The following TOM1L2 variants were observed in gnomAD, a reference collection of about 807,000 sequenced individuals.
TOM1L2 encodes the protein target of myb1 like 2 membrane trafficking protein, also known as TOM1-like protein 2.
TOM1L2 carries 31 observed loss-of-function variants against 67.9 expected under a neutral mutation model. That is an observed-to-expected ratio of 0.46 (90% CI 0.34 to 0.62). The LOEUF is 0.62. Among genes scored for constraint, TOM1L2 ranks in the 20% least tolerant of loss-of-function variants. The pLI is 0.01. For synonymous variants in TOM1L2, 256 were observed against 254.0 expected, an observed-to-expected ratio of 1.01 and a Z score of -0.07; for missense variants, 606 against 663.5, an observed-to-expected ratio of 0.91 and a Z score of 0.95.
At chr17:17,913,583 C>T (rs2039501151) in intron 1 of TOM1L2, among the ~76,000 whole-genome samples, 1 of 152,144 alleles carries the variant, frequency 6.6e-6, no homozygotes, top group African/African-American at 2.4e-5. Context: ...GAGCTAAATA[C>T]CCATGGTTGT....
At chr17:17,852,809 G>A (rs1412494800) in intron 12 of TOM1L2, among the ~76,000 whole-genome samples, 5 of 144,266 alleles carry the variant, frequency 3.5e-5, no homozygotes, top group African/African-American at 1.3e-4. Context: ...AGGTTGCAGT[G>A]AGCCGAGATC....
chr17:17,954,291 A>G (rs1377343025), intron 1 of TOM1L2, among the ~76,000 whole-genome samples: 1 of 150,730 alleles, frequency 6.6e-6, no homozygotes, highest in Non-Finnish European at 1.5e-5. Context: ...CTTGAACACC[A>G]GGCTACATTT....
intron 1 of TOM1L2, among the ~76,000 whole-genome samples, chr17:17,908,143 G>A (rs1247414629): frequency 6.6e-6 from 1 of 152,164 alleles, no homozygotes; most frequent in Non-Finnish European, 1.5e-5. Context: ...GTGGTGTTGG[G>A]TGTTTCACGT....
At chr17:17,860,368 G>C (rs952178170) in intron 12 of TOM1L2, among the ~76,000 whole-genome samples, 2 of 152,228 alleles carry the variant, frequency 1.3e-5, no homozygotes, top group African/African-American at 4.8e-5. Context: ...GAGGACCCAA[G>C]GCAGCCAGCT....
chr17:17,879,726 A>G lies in TOM1L2; in HGVS notation c.678T>C (p.Ser226=). 3 of 1,614,078 alleles carry G rather than the reference A, an allele frequency of 1.9e-6. No homozygotes were observed. The highest frequency in any genetic ancestry group is 1.1e-5 in the South Asian group (1 of 91,068). The change falls in exon 7 of 15, where the codon AGT becomes AGC. Residue 226 remains serine (S), a synonymous_variant. Transcript: ENST00000379504. ...ANSEQIARLR[S]ELDVVRGNTK... is the part of the protein sequence containing the mutation. ...TGTTTCCTCGAACGACGTCCAGTTC[A>G]CTCCGCAGCCTGGCAATCTGGTGGG... is the stretch of plus-strand genomic sequence containing the variant.
At chr17:17,880,752 G>T (rs1239971268) in intron 6 of TOM1L2, among the ~76,000 whole-genome samples, 1 of 152,182 alleles carries the variant, frequency 6.6e-6, no homozygotes, top group South Asian at 2.1e-4. Context: ...AACCTCACCA[G>T]GCTGCTGTGA....
chr17:17,917,992 T>C (rs776195752), intron 1 of TOM1L2, among the ~76,000 whole-genome samples: 20 of 152,182 alleles, frequency 1.3e-4, no homozygotes, highest in Non-Finnish European at 2.4e-4. Flanking sequence ...ACAGGATGTT[T>C]TTCCATATAT....
At chr17:17,936,428 T>C (rs1405826692) in intron 1 of TOM1L2, among the ~76,000 whole-genome samples, 2 of 152,288 alleles carry the variant, frequency 1.3e-5, no homozygotes, top group Admixed American at 6.5e-5. Context: ...TATAAATTTT[T>C]TGGAGAATAA....
chr17:17,914,590 T>C (rs191646031), intron 1 of TOM1L2, among the ~76,000 whole-genome samples: 1 of 152,334 alleles, frequency 6.6e-6, no homozygotes, highest in Non-Finnish European at 1.5e-5. Flanking sequence ...CTCCTCCACT[T>C]TCCCCATCTT....
chr17:17,941,108 G>A (rs185886306), intron 1 of TOM1L2, among the ~76,000 whole-genome samples: 4 of 152,338 alleles, frequency 2.6e-5, no homozygotes, highest in Admixed American at 2.6e-4. Context: ...CAGTGAACAG[G>A]TGGAAGGGTC....
chr17:17,863,070 C>A (rs1036351401), intron 10 of TOM1L2, among the ~76,000 whole-genome samples: 2 of 152,086 alleles, frequency 1.3e-5, no homozygotes, highest in Admixed American at 6.6e-5. Flanking sequence ...CTCAAGGAGG[C>A]GAAAGAGTCA....
intron 1 of TOM1L2, among the ~76,000 whole-genome samples, chr17:17,963,783 T>A (rs1474522224): frequency 6.6e-6 from 1 of 152,172 alleles, no homozygotes; most frequent in African/African-American, 2.4e-5. Flanking sequence ...TCAGAAGGTA[T>A]GGCAATAAAC....
intron 2 of TOM1L2, among the ~76,000 whole-genome samples, chr17:17,899,435 A>G (rs2038738204): frequency 1.3e-5 from 2 of 152,236 alleles, no homozygotes; most frequent in African/African-American, 4.8e-5. Context: ...TCAGTTCACA[A>G]ATGGGCTCTG....
intron 1 of TOM1L2, among the ~76,000 whole-genome samples, chr17:17,950,823 G>A (rs952201566): frequency 6.6e-6 from 1 of 152,200 alleles, no homozygotes; most frequent in African/African-American, 2.4e-5. Context: ...ATAGATAAGG[G>A]AAAACCATGA....
At chr17:17,855,789 C>T (rs186397022) in intron 12 of TOM1L2, among the ~76,000 whole-genome samples, 2 of 152,262 alleles carry the variant, frequency 1.3e-5, no homozygotes, top group Non-Finnish European at 2.9e-5. Flanking sequence ...GCTGTGAATC[C>T]CTTCCTATGT....
chr17:17,893,694 G>T lies in TOM1L2; in HGVS notation c.333C>A (p.Thr111=). ...KIISPKNNPP[T]IVQDKVLALI... ...GAGCAAGCACTTTGTCCTGTACAAT[G>T]GTGGGAGGGTTGTTCTTGGGAGATA... The change falls in exon 4 of 15, where the codon ACC becomes ACA. Residue 111 remains threonine (T), a synonymous_variant. Coordinates refer to ENST00000379504, the MANE Select transcript of TOM1L2 (RefSeq NM_001082968.2). 1.2e-6 allele frequency: 2 copies of T among 1,614,152 alleles called. No homozygotes were observed. The highest frequency in any genetic ancestry group is 1.7e-6 in the Non-Finnish European group (2 of 1,180,004).
chr17:17,864,756 C>A (rs1047447933), intron 10 of TOM1L2, among the ~76,000 whole-genome samples: 3 of 152,118 alleles, frequency 2.0e-5, no homozygotes, highest in Non-Finnish European at 4.4e-5. Context: ...AGGTGATCCA[C>A]CTGCCGCAGC....
rs561346744 is a variant in TOM1L2, at chr17:17,848,512, C to T, written c.1375+311G>A. 1.2e-4 allele frequency among the ~76,000 whole-genome samples: 19 copies of T among 152,364 alleles called. No individual in the cohort carries two copies. In the South Asian group the frequency reaches 3.7e-3, roughly 30 times the overall value. On this transcript the variant is annotated intron_variant, in intron 14 of 14. Coordinates refer to ENST00000379504, the MANE Select transcript of TOM1L2 (RefSeq NM_001082968.2). ...TGCTGCTGCGCACCTCCACAAACTG[C>T]GTGTCTGAGCTGGGCTGAGCACCTG... is the stretch of plus-strand genomic sequence containing the variant.
chr17:17,963,101 A>G (rs924267619), intron 1 of TOM1L2, among the ~76,000 whole-genome samples: 2 of 152,118 alleles, frequency 1.3e-5, no homozygotes, highest in African/African-American at 2.4e-5. Context: ...TTACATACTC[A>G]CTTGACCCCT....
Sources: allele counts gnomAD v4.1 joint callset (sites outside exome capture counted in the v4.1 genomes callset), GRCh38; gene constraint gnomAD v4.1.1; transcripts MANE v1.5; gene names NCBI Gene and HGNC (gene_info 2026-07-23, HGNC 2026-07-21).